KIAA0825: variants seen among roughly 807,000 people sequenced by gnomAD.
The protein encoded by KIAA0825 is KIAA0825.
Under a neutral mutation model 147.6 loss-of-function variants are expected in KIAA0825, and 119 were observed. The ratio of observed to expected loss-of-function variants is 0.81; its 90% CI spans 0.69 to 0.94. The LOEUF (loss-of-function observed/expected upper bound fraction) is 0.94, where lower values mean the gene tolerates loss of function less well. KIAA0825 is among the 40% of genes least tolerant of loss of function. The pLI is 0.00. For missense variants in KIAA0825, 1,381 were observed against 1,472.7 expected (o/e 0.94, Z 1.02); for synonymous variants, 470 against 518.1 (o/e 0.91, Z 1.26).
intron 3 of KIAA0825, among the ~76,000 whole-genome samples, chr5:94,529,325 T>C (rs1329028289): frequency 3.4e-5 from 5 of 145,200 alleles, no homozygotes; most frequent in Admixed American, 1.4e-4. Flanking sequence ...TATATATGTA[T>C]ATATCATATA....
intron 5 of KIAA0825, among the ~76,000 whole-genome samples, chr5:94,505,126 G>C (rs1043603150): frequency 2.0e-5 from 3 of 151,858 alleles, no homozygotes; most frequent in Non-Finnish European, 2.9e-5. Context: ...TTGGGAGGCT[G>C]AAGTGGGTGG....
At chr5:94,172,877 A>G (rs1768761367) in intron 20 of KIAA0825, among the ~76,000 whole-genome samples, 1 of 152,332 alleles carries the variant, frequency 6.6e-6, no homozygotes, top group Non-Finnish European at 1.5e-5. Flanking sequence ...AATAAGGATC[A>G]TAATACCTAA....
At chr5:94,306,105 G>GAT (rs1042517174) in intron 20 of KIAA0825, among the ~76,000 whole-genome samples, 2 of 151,370 alleles carry the variant, frequency 1.3e-5, no homozygotes, top group African/African-American at 4.9e-5. Flanking sequence ...ACAAAATAGC[G>GAT]ATATATATAA....
At chr5:94,466,747 A>AG (rs1482737392) in intron 10 of KIAA0825, among the ~76,000 whole-genome samples, 1 of 150,944 alleles carries the variant, frequency 6.6e-6, no homozygotes, top group Non-Finnish European at 1.5e-5. Flanking sequence ...AAAAAAAAAA[A>AG]AAAAAAAAAA....
At chr5:94,308,546 A>C (rs1488762484) in intron 20 of KIAA0825, among the ~76,000 whole-genome samples, 2 of 151,962 alleles carry the variant, frequency 1.3e-5, no homozygotes, top group South Asian at 4.1e-4. Flanking sequence ...ACATAAATTC[A>C]AGGGACTCTA....
chr5:94,521,473 A>G (rs1440944719), intron 4 of KIAA0825, among the ~76,000 whole-genome samples: 7 of 151,826 alleles, frequency 4.6e-5, no homozygotes, highest in Non-Finnish European at 8.9e-5. Context: ...AGTAAATTTT[A>G]ATACATTTAA....
At chr5:94,219,966 C>A (rs1415317703) in intron 20 of KIAA0825, among the ~76,000 whole-genome samples, 1 of 152,114 alleles carries the variant, frequency 6.6e-6, no homozygotes, top group African/African-American at 2.4e-5. Context: ...AATAAATTAA[C>A]CTTAGCTTAC....
chr5:94,601,612 A>C (rs981871759), intron 1 of KIAA0825, among the ~76,000 whole-genome samples: 4 of 152,210 alleles, frequency 2.6e-5, no homozygotes, highest in Non-Finnish European at 5.9e-5. Context: ...GAGCTAAAGG[A>C]GCATGTCTTA....
At chr5:94,461,979 T>C (rs1281328275) in intron 12 of KIAA0825, among the ~76,000 whole-genome samples, 1 of 151,998 alleles carries the variant, frequency 6.6e-6, no homozygotes, top group Admixed American at 6.6e-5. Flanking sequence ...GTAATTATTA[T>C]TTCTATTTCC....
At chr5:94,448,951 T>C (rs1758061437) in intron 13 of KIAA0825, among the ~76,000 whole-genome samples, 2 of 152,318 alleles carry the variant, frequency 1.3e-5, no homozygotes, top group South Asian at 4.1e-4. Context: ...CACTGTATTA[T>C]AAATCACATG....
In KIAA0825 at chr5:94,151,406, A is replaced by C. The variant is rs1766476006; in HGVS notation, c.*2601T>G. 7.1e-6 allele frequency among the ~76,000 whole-genome samples: 1 copy of C among 140,032 alleles called. No individual in the cohort carries two copies. The highest frequency in any genetic ancestry group is 2.5e-4 in the South Asian group (1 of 4,006). The allele number at this position is 140,032 out of a possible 152,430, so 91.9% of individuals were successfully genotyped here. On this transcript the variant is annotated 3_prime_UTR_variant, in exon 21 of 21. Coordinates refer to ENST00000682413, the MANE Select transcript of KIAA0825 (RefSeq NM_001145678.3). ...CAGTCCGCAGTCCGGCCTGGGCGAC[A>C]GAGCGAGACTCCGTCTCAAAAAAAA...
At chr5:94,261,745 C>G (rs1227019273) in intron 20 of KIAA0825, among the ~76,000 whole-genome samples, 2 of 152,102 alleles carry the variant, frequency 1.3e-5, no homozygotes, top group Non-Finnish European at 2.9e-5. Context: ...ATATCTCTTC[C>G]CTCTCTCACC....
At chr5:94,496,368 C>T (rs945860101) in intron 5 of KIAA0825, among the ~76,000 whole-genome samples, 11 of 152,192 alleles carry the variant, frequency 7.2e-5, no homozygotes, top group African/African-American at 2.7e-4. Flanking sequence ...CAGGGACCTA[C>T]CTTATGGGCT....
At chr5:94,383,799 G>GTC in intron 20 of KIAA0825, among the ~76,000 whole-genome samples, 1 of 151,644 alleles carries the variant, frequency 6.6e-6, no homozygotes, top group Middle Eastern at 3.4e-3. Flanking sequence ...GTGTGTGTGT[G>GTC]TGTGTGTGTG....
intron 5 of KIAA0825, among the ~76,000 whole-genome samples, chr5:94,511,804 A>G (rs1766519205): frequency 6.6e-6 from 1 of 152,000 alleles, no homozygotes; most frequent in Admixed American, 6.6e-5. Context: ...CCTGTCCAAC[A>G]TGATGAAACC....
At chr5:94,547,619 C>T (rs1774681836) in intron 2 of KIAA0825, among the ~76,000 whole-genome samples, 1 of 151,462 alleles carries the variant, frequency 6.6e-6, no homozygotes, top group Non-Finnish European at 1.5e-5. Context: ...AGCCTGTAAC[C>T]CCAGCTACTC....
intron 3 of KIAA0825, among the ~76,000 whole-genome samples, chr5:94,529,333 A>T (rs1215281965): frequency 7.3e-6 from 1 of 136,136 alleles, no homozygotes; most frequent in Non-Finnish European, 1.5e-5. Context: ...TATATATCAT[A>T]TATATGTATA....
intron 1 of KIAA0825, among the ~76,000 whole-genome samples, chr5:94,598,565 T>C (rs1027814206): frequency 2.0e-5 from 3 of 152,156 alleles, no homozygotes; most frequent in African/African-American, 4.8e-5. Flanking sequence ...AAAATAATAA[T>C]GAAATATATA....
chr5:94,297,634 C>T (rs1246977861), intron 20 of KIAA0825, among the ~76,000 whole-genome samples: 2 of 151,918 alleles, frequency 1.3e-5, no homozygotes, highest in Non-Finnish European at 2.9e-5. Context: ...CTCAATCTGT[C>T]GCCCGGGCTA....
Sources: gnomAD v4.1 joint callset for allele counts (sites outside exome capture counted in the v4.1 genomes callset) on GRCh38, gnomAD v4.1.1 for gene constraint, MANE v1.5 for transcripts, NCBI Gene and HGNC (gene_info 2026-07-23, HGNC 2026-07-21) for gene names.